The following TENM4 variants were observed in gnomAD, a reference collection of about 807,000 sequenced individuals.
TENM4 encodes the protein teneurin transmembrane protein 4, also known as teneurin-4.
Under a neutral mutation model 243.3 loss-of-function variants are expected in TENM4, and 82 were observed. That is an observed-to-expected ratio of 0.34 (90% CI 0.28 to 0.40). The LOEUF is 0.40. Ranked by LOEUF, TENM4 falls within the 10% of genes least tolerant of loss-of-function variation. The pLI is 1.00. For missense variants in TENM4, 3,138 were observed against 3,673.3 expected (o/e 0.85, Z 3.77); for synonymous variants, 1,412 against 1,456.3 (o/e 0.97, Z 0.69).
chr11:79,379,380 A>G (rs1453212307), intron 1 of TENM4, among the ~76,000 whole-genome samples: 5 of 152,210 alleles, frequency 3.3e-5, no homozygotes, highest in Admixed American at 3.3e-4. Flanking sequence ...TAGCCGTGTT[A>G]TCGGAAGACC....
At chr11:78,835,248 C>A (rs1477252163) in intron 12 of TENM4, among the ~76,000 whole-genome samples, 1 of 152,198 alleles carries the variant, frequency 6.6e-6, no homozygotes, top group Admixed American at 6.5e-5. Context: ...TGGCTTATGC[C>A]TGTAATCCCA....
chr11:79,021,465 A>T (rs933386788), intron 6 of TENM4: 23 of 152,152 alleles, frequency 1.5e-4, no homozygotes, highest in African/African-American at 5.1e-4. Context: ...GCCCCTAAGA[A>T]TGGGTGTGTT....
intron 6 of TENM4, among the ~76,000 whole-genome samples, chr11:78,946,515 A>G (rs998396837): frequency 2.0e-5 from 3 of 152,222 alleles, no homozygotes; most frequent in African/African-American, 7.2e-5. Flanking sequence ...CTCATGTAAC[A>G]CCCATTCTTC....
intron 9 of TENM4, among the ~76,000 whole-genome samples, chr11:78,884,577 T>C (rs1047756013): frequency 2.0e-5 from 3 of 152,254 alleles, no homozygotes; most frequent in African/African-American, 7.2e-5. Flanking sequence ...CAAACTTCTC[T>C]GAGCTTTAGT....
chr11:78,917,031 C>A (rs1856332419), intron 6 of TENM4, among the ~76,000 whole-genome samples: 1 of 152,242 alleles, frequency 6.6e-6, no homozygotes, highest in African/African-American at 2.4e-5. Flanking sequence ...TGCAAAAACC[C>A]CTCATGTATT....
intron 4 of TENM4, among the ~76,000 whole-genome samples, chr11:79,090,031 G>A (rs533980155): frequency 6.6e-6 from 1 of 152,272 alleles, no homozygotes; most frequent in South Asian, 2.1e-4. Flanking sequence ...GGCAGATGTG[G>A]CTTTGAAGCT....
At chr11:79,138,357 A>G (rs1245713728) in intron 4 of TENM4, among the ~76,000 whole-genome samples, 2 of 124,422 alleles carry the variant, frequency 1.6e-5, no homozygotes, top group African/African-American at 3.1e-5. Flanking sequence ...AAAAATATAT[A>G]ATATATAATA....
rs532663948 is a variant in TENM4 at position 78,943,374 on chromosome 11, G to T, written c.494-39851C>A. ...AAGGACGCCTTGGTGTGGGGGCAAG[G>T]GGTGGGCGTCAGTGTGAGCAGCAGA... On this transcript the variant is annotated intron_variant, in intron 6 of 33. Coordinates refer to ENST00000278550, the MANE Select transcript of TENM4 (RefSeq NM_001098816.3). Among the ~76,000 whole-genome samples, 8 of 152,338 alleles carry T rather than the reference G, an allele frequency of 5.3e-5. No homozygotes were observed. In the South Asian group the frequency reaches 1.7e-3, roughly 32 times the overall value.
intron 1 of TENM4, among the ~76,000 whole-genome samples, chr11:79,342,289 G>A (rs368118200): frequency 6.6e-6 from 1 of 152,192 alleles, no homozygotes; most frequent in African/African-American, 2.4e-5. Context: ...AGGTGTGACT[G>A]CATGGACCGC....
intron 1 of TENM4, among the ~76,000 whole-genome samples, chr11:79,357,023 A>G (rs1304544415): frequency 6.6e-6 from 1 of 152,096 alleles, no homozygotes; most frequent in Non-Finnish European, 1.5e-5. Flanking sequence ...AACAAGAAAA[A>G]TCTGTCCCAG....
chr11:78,666,356 A>G (rs972501505), intron 32 of TENM4, among the ~76,000 whole-genome samples: 1 of 152,002 alleles, frequency 6.6e-6, no homozygotes, highest in Admixed American at 6.6e-5. Context: ...TCTTTTGCAA[A>G]CCTTTTGTCT....
At chr11:79,208,261 T>C (rs1383944069) in intron 3 of TENM4, among the ~76,000 whole-genome samples, 1 of 152,226 alleles carries the variant, frequency 6.6e-6, no homozygotes, top group Non-Finnish European at 1.5e-5. Flanking sequence ...AGCACATCTA[T>C]GAGTAAGGCC....
chr11:79,118,579 G>T (rs1243363180), intron 4 of TENM4, among the ~76,000 whole-genome samples: 1 of 151,874 alleles, frequency 6.6e-6, no homozygotes, highest in Non-Finnish European at 1.5e-5. Flanking sequence ...CCAGACCCTG[G>T]CAACCACCCT....
intron 1 of TENM4, among the ~76,000 whole-genome samples, chr11:79,366,450 A>G (rs1401343964): frequency 1.3e-5 from 2 of 152,224 alleles, no homozygotes. Context: ...AGTGATTCAC[A>G]GGTTTAAGGG....
rs1821615 is a variant in TENM4 at position 79,047,523 on chromosome 11, C to T, written c.493+17215G>A. Among the ~76,000 whole-genome samples, 641 of 152,336 alleles carry T rather than the reference C, an allele frequency of 4.2e-3. 17 individuals carry two copies. Among genetic ancestry groups the T allele is most frequent in the Admixed American group, 0.038 (574 of 15,306 alleles). On this transcript the variant is annotated intron_variant, in intron 6 of 33. Transcript: ENST00000278550. ...CCACCACACTCTGCCAGGGACTGGGCTTCTGCGGGCTGTCACAGTCTGTGG... is the reference window on the plus strand; with the variant it reads ...CCACCACACTCTGCCAGGGACTGGGTTTCTGCGGGCTGTCACAGTCTGTGG...
At chr11:78,925,487 A>T (rs948098687) in intron 6 of TENM4, among the ~76,000 whole-genome samples, 1 of 152,096 alleles carries the variant, frequency 6.6e-6, no homozygotes, top group Admixed American at 6.6e-5. Flanking sequence ...GGGAAGGAAA[A>T]TGCAGGAGAG....
chr11:79,257,841 A>G (rs1246700494), intron 2 of TENM4, among the ~76,000 whole-genome samples: 1 of 152,226 alleles, frequency 6.6e-6, no homozygotes, highest in Middle Eastern at 3.2e-3. Flanking sequence ...TGCTATCATT[A>G]AGGATCATCA....
At chr11:79,019,603 T>C (rs1028221383) in intron 6 of TENM4, among the ~76,000 whole-genome samples, 29 of 152,236 alleles carry the variant, frequency 1.9e-4, no homozygotes, top group East Asian at 7.7e-4. Context: ...TCCCACATTC[T>C]AATTTATTAT....
intron 3 of TENM4, among the ~76,000 whole-genome samples, chr11:79,154,803 A>C (rs1278783987): frequency 6.6e-6 from 1 of 152,060 alleles, no homozygotes; most frequent in Non-Finnish European, 1.5e-5. Context: ...ATTAATGCCT[A>C]TCTCCCCAGC....
Sources: gnomAD v4.1 joint callset for allele counts (sites outside exome capture counted in the v4.1 genomes callset) on GRCh38, gnomAD v4.1.1 for gene constraint, MANE v1.5 for transcripts, NCBI Gene and HGNC (gene_info 2026-07-23, HGNC 2026-07-21) for gene names.